Variants in HUWE1 observed in about 807,000 individuals in gnomAD.
HUWE1 encodes the protein HECT, UBA and WWE domain containing E3 ubiquitin protein ligase 1.
A neutral mutation model predicts 299.4 loss-of-function variants in HUWE1; 18 were observed. The ratio of observed to expected loss-of-function variants is 0.06; its 90% CI spans 0.04 to 0.09. The LOEUF (loss-of-function observed/expected upper bound fraction) is 0.09, where lower values mean the gene tolerates loss of function less well. Among genes scored for constraint, HUWE1 ranks in the 10% least tolerant of loss-of-function variants. The pLI, the probability that HUWE1 is intolerant of heterozygous loss-of-function variation, is 1.00. For missense variants in HUWE1, 1,832 were observed against 3,462.3 expected (o/e 0.53, Z 11.82); for synonymous variants, 1,317 against 1,286.1 (o/e 1.02, Z -0.51).
At chrX:53,628,137 C>T (rs1404911646) in intron 15 of HUWE1, among the ~76,000 whole-genome samples, 10 of 111,176 alleles carry the variant, frequency 9.0e-5, no homozygotes, top group African/African-American at 3.3e-4. Flanking sequence ...GCTCATTGCC[C>T]TGCACATAGT....
rs2060824990 is a variant in HUWE1 at position 53,532,689 on chromosome X, A to G, written c.*620T>C. The G allele has an allele frequency of 9.1e-6, 1 of 110,017 alleles. No homozygotes were observed. The highest frequency in any genetic ancestry group is 9.7e-5 in the Admixed American group (1 of 10,272). 9.1% of individuals were successfully genotyped at this position (110,017 alleles called of 1,213,427 possible). ...AGGTGGGCAAGCGGGTAGGGCAGGG[A>G]TGGTTTCCTGGAGAATCCATCTTTT... On this transcript the variant is annotated 3_prime_UTR_variant, in exon 84 of 84. Coordinates refer to ENST00000262854, the MANE Select transcript of HUWE1 (RefSeq NM_031407.7).
intron 33 of HUWE1, among the ~76,000 whole-genome samples, chrX:53,591,482 G>A (rs1389018303): frequency 1.8e-5 from 2 of 111,809 alleles, no homozygotes; most frequent in African/African-American, 6.5e-5. Context: ...AACAGAGCAA[G>A]TGCCTGAAAA....
chrX:53,616,227 ATT>A (rs782367563), intron 21 of HUWE1, among the ~76,000 whole-genome samples: 1 of 96,794 alleles, frequency 1.0e-5, no homozygotes. Flanking sequence ...TTTTTTTCCT[ATT>A]TTTTTTTTTT....
intron 3 of HUWE1, among the ~76,000 whole-genome samples, chrX:53,657,332 G>C (rs1371953360): frequency 8.9e-6 from 1 of 112,038 alleles, no homozygotes; most frequent in Admixed American, 9.4e-5. Context: ...CCAACACTTT[G>C]GGAGGCCTAG....
chrX:53,667,591 C>G (rs1557048046), intron 3 of HUWE1, among the ~76,000 whole-genome samples: 2 of 112,244 alleles, frequency 1.8e-5, no homozygotes. Flanking sequence ...ATGCTTTCTA[C>G]TAAATGTGTT....
chrX:53,645,353 G>A lies in HUWE1; in HGVS notation c.462C>T (p.Asp154=). 8.3e-7 allele frequency: 1 copy of A among 1,210,972 alleles called. No homozygotes were observed. Among genetic ancestry groups the A allele is most frequent in the Non-Finnish European group, 1.1e-6 (1 of 895,198 alleles). ...RSNYITRLGS[D]KRTPLLTRLQ... is the part of the protein sequence containing the mutation. ...GCCGAGTTAGCAGCGGGGTCCTCTT[G>A]TCAGATCCCAGACGAGTGATGTAGT... Residue 154 remains aspartate, a synonymous_variant, in exon 7 of 84, where the codon GAC becomes GAT. Coordinates refer to ENST00000262854, the MANE Select transcript of HUWE1 (RefSeq NM_031407.7).
chrX:53,597,014 T>C (rs782315777), intron 29 of HUWE1, among the ~76,000 whole-genome samples: 71 of 112,191 alleles, frequency 6.3e-4, no homozygotes, highest in African/African-American at 2.1e-3. Context: ...CACGTTTATG[T>C]GGGTACAGGA....
intron 29 of HUWE1, among the ~76,000 whole-genome samples, chrX:53,596,041 ATG>A (rs782675717): frequency 8.9e-6 from 1 of 112,687 alleles, no homozygotes; most frequent in Non-Finnish European, 1.9e-5. Context: ...TAAATATTTC[ATG>A]TGTTTTTATA....
intron 43 of HUWE1, among the ~76,000 whole-genome samples, chrX:53,579,037 G>T (rs1468945808): frequency 1.4e-5 from 1 of 73,496 alleles, no homozygotes; most frequent in African/African-American, 5.6e-5. Flanking sequence ...GGCGGGGGGG[G>T]GGGTCGGCCA....
At chrX:53,616,891 G>A (rs2065835900) in intron 21 of HUWE1, 79 bp downstream of exon 21, 1 of 855,433 alleles carries the variant, frequency 1.2e-6, no homozygotes, top group South Asian at 2.2e-5. Flanking sequence ...CCAGTAAAAC[G>A]ATGAGAGAGA....
chrX:53,591,611 C>T lies in HUWE1; in HGVS notation c.3973-489G>A, dbSNP rs143287489. Among the ~76,000 whole-genome samples, 45 of 111,474 alleles carry T rather than the reference C, an allele frequency of 4.0e-4. No individual in the cohort carries two copies. The East Asian group carries it at 0.011, about 28-fold the overall frequency. Reference sequence around the variant, plus strand: ...AAACTGTAAGAAAATTAGCATCCAACAATAAAAGAATGACCAATTAGTAAA... The same window carrying T: ...AAACTGTAAGAAAATTAGCATCCAATAATAAAAGAATGACCAATTAGTAAA... On this transcript the variant is annotated intron_variant, in intron 33 of 83. Coordinates refer to ENST00000262854, the MANE Select transcript of HUWE1 (RefSeq NM_031407.7).
At chrX:53,566,255 G>C (rs782204468) in intron 49 of HUWE1, among the ~76,000 whole-genome samples, 13 of 103,498 alleles carry the variant, frequency 1.3e-4, no homozygotes, top group African/African-American at 4.6e-4. Context: ...CCAGGAATAG[G>C]GCAAGGAAGG....
At chrX:53,599,343 A>G (rs2064689395) in intron 29 of HUWE1, among the ~76,000 whole-genome samples, 1 of 112,453 alleles carries the variant, frequency 8.9e-6, no homozygotes, top group African/African-American at 3.2e-5. Flanking sequence ...TTGAGGTAAC[A>G]AATGGAAACA....
At position 53,566,115 on chromosome X, in the gene HUWE1, GTA is replaced by G. The variant is rs1200945752; in HGVS notation, c.6708-878_6708-877del. The stretch of plus-strand genomic sequence containing the variant: ...TCTATGTATGTATGTATGTATGTAT[GTA>G]TGTGTGTGTGTGTGTGTATATATAT... On this transcript the variant is annotated intron_variant, in intron 49 of 83. Coordinates refer to ENST00000262854, the MANE Select transcript of HUWE1 (RefSeq NM_031407.7). Among the ~76,000 whole-genome samples the G allele has an allele frequency of 3.5e-3, 235 of 68,021 alleles. 3 individuals are homozygous for G. Among genetic ancestry groups the G allele is most frequent in the African/African-American group, 0.011 (170 of 14,958 alleles). 59.1% of individuals were successfully genotyped at this position (68,021 alleles called of 115,157 possible).
chrX:53,547,152 C>A (rs1488859424), intron 68 of HUWE1, among the ~76,000 whole-genome samples: 1 of 112,116 alleles, frequency 8.9e-6, no homozygotes, highest in African/African-American at 3.2e-5. Flanking sequence ...TATTCCCCCA[C>A]CATCATGGCC....
intron 74 of HUWE1, among the ~76,000 whole-genome samples, chrX:53,541,405 T>C (rs181818661): frequency 9.1e-6 from 1 of 109,642 alleles, no homozygotes; most frequent in Admixed American, 9.7e-5. Context: ...CTGGCCAATG[T>C]GGCGAAACCC....
chrX:53,603,559 A>G (rs2064995554), intron 26 of HUWE1, 58 bp from the exon 27 acceptor site: 1 of 1,129,642 alleles, frequency 8.9e-7, no homozygotes, highest in Admixed American at 2.2e-5. Flanking sequence ...TATACTTAAA[A>G]AAAAAAATTG....
intron 47 of HUWE1, among the ~76,000 whole-genome samples, chrX:53,570,619 C>T (rs1010724774): frequency 1.8e-5 from 2 of 112,226 alleles, no homozygotes; most frequent in African/African-American, 3.2e-5. Context: ...TTTAAAGTAA[C>T]GAAAAAGGCT....
chrX:53,556,743 T>TA (rs2062037305), intron 60 of HUWE1, among the ~76,000 whole-genome samples: 1 of 111,370 alleles, frequency 9.0e-6, no homozygotes, highest in South Asian at 3.7e-4. Context: ...AAAATTTAAT[T>TA]AAAAAAAGAA....
Sources: allele counts gnomAD v4.1 joint callset (sites outside exome capture counted in the v4.1 genomes callset), GRCh38; gene constraint gnomAD v4.1.1; transcripts MANE v1.5; gene names NCBI Gene and HGNC (gene_info 2026-07-23, HGNC 2026-07-21).